The following LRMDA variants were observed in gnomAD, a reference collection of about 807,000 sequenced individuals.
LRMDA encodes the protein leucine-rich melanocyte differentiation-associated protein.
In LRMDA, 18 loss-of-function variants were observed where a neutral mutation model predicts 29.8. That is an observed-to-expected ratio of 0.60 (90% CI 0.42 to 0.90). The LOEUF (loss-of-function observed/expected upper bound fraction) is 0.90, where lower values mean the gene tolerates loss of function less well. Ranked by LOEUF, LRMDA falls within the 40% of genes least tolerant of loss-of-function variation. The pLI is 0.00. For missense variants in LRMDA, 273 were observed against 273.9 expected (o/e 1.00, Z 0.02); for synonymous variants, 125 against 109.4 (o/e 1.14, Z -0.89).
intron 5 of LRMDA, among the ~76,000 whole-genome samples, chr10:76,137,705 CA>C (rs1400780970): frequency 6.7e-6 from 1 of 149,040 alleles, no homozygotes; most frequent in African/African-American, 2.5e-5. Flanking sequence ...CCATCGTAAA[CA>C]ACACCAAAAA....
intron 2 of LRMDA, among the ~76,000 whole-genome samples, chr10:75,754,250 G>A (rs1843000599): frequency 6.6e-6 from 1 of 152,160 alleles, no homozygotes; most frequent in African/African-American, 2.4e-5. Flanking sequence ...GGGTCTTGTG[G>A]GCAGGGCAGA....
chr10:76,405,925 A>G (rs1309415066), intron 6 of LRMDA, among the ~76,000 whole-genome samples: 8 of 152,042 alleles, frequency 5.3e-5, no homozygotes, highest in Admixed American at 5.2e-4. Context: ...GGGTAACCTT[A>G]GTGCTTGAAA....
chr10:76,119,618 C>G (rs983488672), intron 5 of LRMDA, among the ~76,000 whole-genome samples: 7 of 152,122 alleles, frequency 4.6e-5, no homozygotes, highest in African/African-American at 1.4e-4. Context: ...GAAGTACATT[C>G]ATGTTCCTCC....
At chr10:75,487,787 G>A (rs7073194) in intron 2 of LRMDA, among the ~76,000 whole-genome samples, 3,684 of 152,232 alleles carry the variant, frequency 0.024, 125 homozygotes, top group African/African-American at 0.084. Flanking sequence ...TTGCAGGGTC[G>A]GCCAAGCTCT....
chr10:76,254,727 C>G (rs1419350248), intron 5 of LRMDA, among the ~76,000 whole-genome samples: 1 of 152,166 alleles, frequency 6.6e-6, no homozygotes, highest in East Asian at 1.9e-4. Flanking sequence ...TCTCCTCTCT[C>G]TCTATTGGAA....
chr10:75,624,408 G>T (rs1364924311), intron 2 of LRMDA, among the ~76,000 whole-genome samples: 1 of 152,148 alleles, frequency 6.6e-6, no homozygotes. Context: ...AGAGTAAAAT[G>T]CTGTGATAGA....
intron 5 of LRMDA, among the ~76,000 whole-genome samples, chr10:76,132,195 C>G (rs1015736432): frequency 6.6e-6 from 1 of 152,068 alleles, no homozygotes; most frequent in African/African-American, 2.4e-5. Flanking sequence ...ATCACGTGCT[C>G]TTTATTTATA....
intron 2 of LRMDA, among the ~76,000 whole-genome samples, chr10:75,957,079 A>G (rs1846675882): frequency 6.6e-6 from 1 of 152,238 alleles, no homozygotes; most frequent in Non-Finnish European, 1.5e-5. Context: ...TTCATGGTAG[A>G]TACTTAAGAA....
chr10:75,569,284 G>T (rs1840408437), intron 2 of LRMDA, among the ~76,000 whole-genome samples: 2 of 152,116 alleles, frequency 1.3e-5, no homozygotes, highest in African/African-American at 4.8e-5. Flanking sequence ...CCTATGGCTG[G>T]GTTTGGGCAT....
intron 5 of LRMDA, among the ~76,000 whole-genome samples, chr10:76,279,451 T>C (rs1325464254): frequency 1.3e-5 from 2 of 152,004 alleles, no homozygotes; most frequent in Non-Finnish European, 2.9e-5. Context: ...AGAAATAAAG[T>C]TTACACAGCA....
chr10:75,562,181 T>C (rs186761198), intron 2 of LRMDA, among the ~76,000 whole-genome samples: 109 of 152,256 alleles, frequency 7.2e-4, no homozygotes, highest in Non-Finnish European at 1.3e-3. Flanking sequence ...TCTTTGTAGG[T>C]CATTCAGGAC....
At chr10:76,037,701 T>A (rs1848275117) in intron 3 of LRMDA, among the ~76,000 whole-genome samples, 1 of 152,204 alleles carries the variant, frequency 6.6e-6, no homozygotes, top group African/African-American at 2.4e-5. Flanking sequence ...GCAAGCTTTT[T>A]CAAGTCTCTC....
intron 6 of LRMDA, among the ~76,000 whole-genome samples, chr10:76,553,340 A>T (rs938567647): frequency 1.3e-5 from 2 of 152,244 alleles, no homozygotes; most frequent in Non-Finnish European, 2.9e-5. Context: ...AAGAGATAGA[A>T]ACAAATGAAT....
chr10:76,477,904 A>T (rs1842693489), intron 6 of LRMDA, among the ~76,000 whole-genome samples: 1 of 152,214 alleles, frequency 6.6e-6, no homozygotes, highest in African/African-American at 2.4e-5. Context: ...AATTAAATCA[A>T]GATGGATTAA....
chr10:76,193,744 G>A (rs950898437), intron 5 of LRMDA, among the ~76,000 whole-genome samples: 1 of 152,096 alleles, frequency 6.6e-6, no homozygotes, highest in African/African-American at 2.4e-5. Flanking sequence ...GTGATAGGCA[G>A]TGAGCTTCAA....
At chr10:76,233,906 G>A (rs750518995) in intron 5 of LRMDA, among the ~76,000 whole-genome samples, 7 of 152,102 alleles carry the variant, frequency 4.6e-5, no homozygotes, top group Admixed American at 2.0e-4. Context: ...AAAATCATCC[G>A]TGAGGGTTGG....
chr10:76,429,574 T>TA (rs540840896), intron 6 of LRMDA, among the ~76,000 whole-genome samples: 30 of 149,434 alleles, frequency 2.0e-4, no homozygotes, highest in South Asian at 4.2e-4. Flanking sequence ...TGCGTTTCAT[T>TA]AAAAAAAAAA....
intron 2 of LRMDA, among the ~76,000 whole-genome samples, chr10:75,573,843 T>C (rs536838272): frequency 1.3e-3 from 194 of 152,302 alleles, no homozygotes; most frequent in African/African-American, 4.1e-3. Context: ...TCTTGGGTTC[T>C]GGAAGGATCA....
chr10:75,820,209 T>G (rs1844133256), intron 2 of LRMDA, among the ~76,000 whole-genome samples: 1 of 152,208 alleles, frequency 6.6e-6, no homozygotes, highest in Non-Finnish European at 1.5e-5. Context: ...TCTACATTCT[T>G]TTCATCTGCT....
Sources: gnomAD v4.1 joint callset for allele counts (sites outside exome capture counted in the v4.1 genomes callset) on GRCh38, gnomAD v4.1.1 for gene constraint, MANE v1.5 for transcripts, NCBI Gene and HGNC (gene_info 2026-07-23, HGNC 2026-07-21) for gene names.